NEB: variants seen among roughly 807,000 people sequenced by gnomAD.
The protein encoded by NEB is nebulin.
Under a neutral mutation model 952.2 loss-of-function variants are expected in NEB, and 512 were observed. That is an observed-to-expected ratio of 0.54 (90% CI 0.50 to 0.58). The LOEUF is 0.58. Ranked by LOEUF, NEB falls within the 20% of genes least tolerant of loss-of-function variation. The pLI, the probability that NEB is intolerant of heterozygous loss-of-function variation, is 0.00. For synonymous variants in NEB, 2,900 were observed against 3,149.8 expected (o/e 0.92, Z 2.66); for missense variants, 8,428 against 9,231.1 (o/e 0.91, Z 3.56).
At chr2:151,528,610 C>T (rs551232956) in intron 146 of NEB, among the ~76,000 whole-genome samples, 4 of 152,250 alleles carry the variant, frequency 2.6e-5, no homozygotes, top group Admixed American at 1.3e-4. Flanking sequence ...ATATATGTCC[C>T]CTCTAGCACT....
chr2:151,512,695 T>G, intron 161 of NEB, 38 bp downstream of exon 161: 10 of 1,342,530 alleles, frequency 7.4e-6, no homozygotes, highest in Non-Finnish European at 1.1e-5. Context: ...TCTTTCATGA[T>G]TGGGGTTTAT....
At chr2:151,542,362 C>G (rs1325085531) in intron 135 of NEB, among the ~76,000 whole-genome samples, 1 of 152,122 alleles carries the variant, frequency 6.6e-6, no homozygotes. Context: ...TGATAACTTC[C>G]AAATCTACAT....
chr2:151,643,685 G>T, intron 57 of NEB, 133 bp downstream of exon 57: 1 of 1,399,616 alleles, frequency 7.1e-7, no homozygotes, highest in South Asian at 1.5e-5. Flanking sequence ...GCCTCCAGAT[G>T]TCTGGGTGAC....
intron 167 of NEB, among the ~76,000 whole-genome samples, 174 bp from the exon 168 acceptor site, chr2:151,501,657 C>T (rs2064667277): frequency 6.6e-6 from 1 of 152,180 alleles, no homozygotes; most frequent in Non-Finnish European, 1.5e-5. Context: ...TTTAGTCACA[C>T]ACAGGATGTC....
Position 151,612,379 on chromosome 2 carries a change from T to A in NEB, c.11612A>T (p.Lys3871Ile), listed in dbSNP as rs761955993. ...GCCTCTCAGCCACTCAAGATCAGAT[T>A]TGTAAATAGCCTGAAAATGAAATAA... ...AYDLQSDAIY[K>I]SDLEWLRGIG... The change falls in exon 78 of 182, where the codon AAA becomes ATA. Residue 3871 changes from lysine to isoleucine, a missense_variant. By Grantham distance (102) the Lys-to-Ile change is moderately radical. This residue lies in a region of NEB where 337 missense variants were observed against 297.5 expected (regional missense o/e 1.13). Coordinates refer to ENST00000397345, the MANE Select transcript of NEB (RefSeq NM_001164508.2). 3.7e-6 allele frequency: 6 copies of A among 1,613,578 alleles called. No homozygotes were observed. The East Asian group carries it at 1.1e-4, about 30-fold the overall frequency.
chr2:151,650,358 C>A lies in NEB; in HGVS notation c.7249G>T (p.Glu2417Ter). 1 of 1,613,876 alleles carries A rather than the reference C, an allele frequency of 6.2e-7. No individual in the cohort carries two copies. Among genetic ancestry groups the A allele is most frequent in the South Asian group, 1.1e-5 (1 of 91,076 alleles). The part of the protein sequence containing the change: ...QSENLYKSDL[E>*]WLRGIGWSPL... ...CTCCATCCTATGCCTCTCAGCCACT[C>A]AAGGTCAGATTTATATAGATTCTGT... Residue 2417 changes from glutamate (E) to a stop codon, truncating the protein, a stop_gained, in exon 54 of 182, where the codon GAG becomes TAG. Coordinates refer to ENST00000397345, the MANE Select transcript of NEB (RefSeq NM_001164508.2). LOFTEE classifies it high-confidence loss of function.
Position 151,727,817 on chromosome 2 carries a change from T to TGCTGGCTGTGCCAGA in NEB, c.153_167dup (p.Leu57_Ala61dup), listed in dbSNP as rs757726895. The TGCTGGCTGTGCCAGA allele has an allele frequency of 1.1e-3, 1,828 of 1,604,630 alleles. 15 individuals carry two copies. The highest frequency in any genetic ancestry group is 0.011 in the South Asian group (983 of 91,060). ...GCTTTGCTGATGCTGGCTGTGCCAGTGCTGGCTGTGCCAGAGCTGGTTTGG... is the reference window on the plus strand; with the variant it reads ...GCTTTGCTGATGCTGGCTGTGCCAGTGCTGGCTGTGCCAGAGCTGGCTGTGCCAGAGCTGGTTTGG... On this transcript the variant is annotated inframe_insertion, in exon 5 of 182. Coordinates refer to ENST00000397345, the MANE Select transcript of NEB (RefSeq NM_001164508.2).
rs1245262853 is a variant in NEB, at chr2:151,547,422, T to A, written c.20367+7A>T. Reference sequence around the variant, plus strand: ...CTACTCCAGAAAGACCCCTACGAGATGCTTACATCACTGGTGATGTCTCCC... The same window carrying A: ...CTACTCCAGAAAGACCCCTACGAGAAGCTTACATCACTGGTGATGTCTCCC... On this transcript the variant is annotated splice_region_variant and intron_variant, in intron 133 of 181. Coordinates refer to ENST00000397345, the MANE Select transcript of NEB (RefSeq NM_001164508.2). 3.2e-6 allele frequency: 5 copies of A among 1,581,866 alleles called. No individual in the cohort carries two copies. Among genetic ancestry groups the A allele is most frequent in the Non-Finnish European group, 4.3e-6 (5 of 1,160,758 alleles).
chr2:151,672,301 T>G (rs983891911), intron 37 of NEB, 68 bp downstream of exon 37: 6 of 1,390,212 alleles, frequency 4.3e-6, no homozygotes, highest in Non-Finnish European at 5.8e-6. Flanking sequence ...GTATGAAGTC[T>G]AATAAAAGCG....
At chr2:151,512,261 C>T (rs2075079544) in intron 161 of NEB, among the ~76,000 whole-genome samples, 2 of 151,964 alleles carry the variant, frequency 1.3e-5, no homozygotes, top group Non-Finnish European at 2.9e-5. Context: ...GTCTGGATCT[C>T]CTGACCTTGT....
chr2:151,675,937 T>C (rs993327075), intron 34 of NEB, among the ~76,000 whole-genome samples: 2 of 152,170 alleles, frequency 1.3e-5, no homozygotes, highest in East Asian at 1.9e-4. Flanking sequence ...CTTTAAAGAA[T>C]TATATACACT....
At position 151,537,202 on chromosome 2, in the gene NEB, C is replaced by G; in HGVS notation, c.21137G>C (p.Gly7046Ala). 6.2e-7 allele frequency: 1 copy of G among 1,612,966 alleles called. No homozygotes were observed. Among genetic ancestry groups the G allele is most frequent in the East Asian group, 2.2e-5 (1 of 44,768 alleles). Residue 7046 changes from glycine (G) to alanine (A), a missense_variant, in exon 141 of 182, where the codon GGC becomes GCC. Gly to Ala is a moderately conservative substitution (Grantham distance 60). Transcript: ENST00000397345. ...GGTATCATAGGCATAGCAACCAATG[C>G]CTTTAAGCCAAGTCAAGTCTTCTTT... ...KYKEDLTWLK[G>A]IGCYAYDTPD...
In NEB at chr2:151,622,305, G is replaced by A. The variant is rs79018537; in HGVS notation, c.10453-1279C>T. Among the ~76,000 whole-genome samples the A allele has an allele frequency of 2.9e-3, 435 of 152,254 alleles. 3 individuals carry two copies. Among genetic ancestry groups the A allele is most frequent in the African/African-American group, 9.9e-3 (411 of 41,542 alleles). On this transcript the variant is annotated intron_variant, in intron 71 of 181. Transcript: ENST00000397345. The stretch of plus-strand genomic sequence containing the variant: ...ACCCAGCCATGTTTGGTAAAGTTTC[G>A]TTTTAATACTTTCAGACATGCATCA...
chr2:151,722,962 G>C (rs562254781), intron 9 of NEB, among the ~76,000 whole-genome samples: 7 of 152,166 alleles, frequency 4.6e-5, no homozygotes, highest in Non-Finnish European at 1.0e-4. Context: ...CCATAACATT[G>C]TTTACTTAAT....
chr2:151,657,598 A>T (rs1164015633), intron 48 of NEB, among the ~76,000 whole-genome samples: 2 of 152,230 alleles, frequency 1.3e-5, no homozygotes, highest in Non-Finnish European at 2.9e-5. Flanking sequence ...AGCCCAAATG[A>T]TCAGCACCCT....
intron 54 of NEB, among the ~76,000 whole-genome samples, 164 bp from the exon 55 acceptor site, chr2:151,646,398 T>C (rs1360482593): frequency 1.3e-5 from 2 of 152,228 alleles, no homozygotes; most frequent in Non-Finnish European, 2.9e-5. Flanking sequence ...TCTTGACTTA[T>C]CTGGGACATA....
chr2:151,498,570 A>G (rs986589205), intron 169 of NEB, among the ~76,000 whole-genome samples: 1 of 152,194 alleles, frequency 6.6e-6, no homozygotes, highest in African/African-American at 2.4e-5. Flanking sequence ...ATAGGAAAAG[A>G]AAGGTTGTTA....
Position 151,526,103 on chromosome 2 carries a change from T to C in NEB, c.22051-35A>G, listed in dbSNP as rs763174116. On this transcript the variant is annotated intron_variant, in intron 149 of 181. Coordinates refer to ENST00000397345, the MANE Select transcript of NEB (RefSeq NM_001164508.2). ...TCCATAGAGAGCTCATTAAGGCATC[T>C]GCCTGGGGCGTTCTCCCAAGAGGGA... is the stretch of plus-strand genomic sequence containing the variant. 2.2e-5 allele frequency: 35 copies of C among 1,612,022 alleles called. No homozygotes were observed. The Admixed American group carries it at 2.3e-4, about 11-fold the overall frequency.
chr2:151,687,453 A>G lies in NEB; in HGVS notation c.2603T>C (p.Leu868Pro), dbSNP rs143123053. 1,873 of 1,614,038 alleles carry G rather than the reference A, an allele frequency of 1.2e-3. 18 individuals are homozygous for G. The East Asian group carries it at 0.021, about 18-fold the overall frequency. ...GTTTTTGGCTGTCTTCAAGGAGTGC[A>G]GCATCTTTGGATCGTCATTAATGCT... ...ALSINDDPKM[L>P]HSLKTAKNQS... Residue 868 changes from leucine (L) to proline (P), a missense_variant, in exon 27 of 182, where the codon CTG becomes CCG. Around this residue, in one of 11 missense-constraint regions of NEB, gnomAD observed 2,851 missense variants for 2,791.5 expected, o/e 1.02. Transcript: ENST00000397345.
Sources: gnomAD v4.1 joint callset for allele counts (sites outside exome capture counted in the v4.1 genomes callset) on GRCh38, gnomAD v4.1.1 for gene constraint, gnomAD v4.1.1 regional missense constraint, MANE v1.5 for transcripts, NCBI Gene and HGNC (gene_info 2026-07-23, HGNC 2026-07-21) for gene names.